Variants in RNF220 observed in about 807,000 individuals in gnomAD.
The protein encoded by RNF220 is E3 ubiquitin-protein ligase RNF220.
A neutral mutation model predicts 67.1 loss-of-function variants in RNF220; 7 were observed. The observed-to-expected ratio is 0.10, with a 90% confidence interval of 0.06 to 0.20. The LOEUF (loss-of-function observed/expected upper bound fraction) is 0.20. Ranked by LOEUF, RNF220 falls within the 10% of genes least tolerant of loss-of-function variation. The probability of loss-of-function intolerance (pLI) is 1.00; values close to 1 mark genes in which losing one functional copy is unlikely to be tolerated. For missense variants in RNF220, 565 were observed against 740.3 expected, an observed-to-expected ratio of 0.76 and a Z score of 2.75; for synonymous variants, 270 against 283.2, an observed-to-expected ratio of 0.95 and a Z score of 0.47.
chr1:44,635,387 A>C, intron 6 of RNF220, 158 bp from the exon 7 acceptor site: 1 of 1,159,774 alleles, frequency 8.6e-7, no homozygotes, highest in South Asian at 1.7e-5. Flanking sequence ...CCAGTCCCCA[A>C]AGGAGCAGGA....
chr1:44,500,860 G>A (rs568976613), intron 2 of RNF220, among the ~76,000 whole-genome samples: 155 of 152,308 alleles, frequency 1.0e-3, no homozygotes, highest in Non-Finnish European at 2.0e-3. Context: ...TTTGGTCTGC[G>A]GCTCCAGGTC....
chr1:44,561,328 G>A (rs766955005), intron 2 of RNF220, among the ~76,000 whole-genome samples: 2 of 152,088 alleles, frequency 1.3e-5, no homozygotes, highest in African/African-American at 4.8e-5. Context: ...TGGCCAACAT[G>A]GTGAAACCCC....
intron 8 of RNF220, among the ~76,000 whole-genome samples, chr1:44,636,729 GC>G (rs769802136): frequency 7.9e-5 from 12 of 152,202 alleles, no homozygotes; most frequent in Non-Finnish European, 1.5e-4. Flanking sequence ...CTCCCTGGGC[GC>G]CCTCTGCCCT....
At chr1:44,582,567 G>A (rs993931006) in intron 2 of RNF220, among the ~76,000 whole-genome samples, 2 of 152,112 alleles carry the variant, frequency 1.3e-5, no homozygotes, top group African/African-American at 2.4e-5. Flanking sequence ...GACCAGCCTG[G>A]CCAATATGGT....
At chr1:44,433,670 T>A (rs1388307049) in intron 2 of RNF220, among the ~76,000 whole-genome samples, 2 of 152,238 alleles carry the variant, frequency 1.3e-5, no homozygotes, top group African/African-American at 4.8e-5. Flanking sequence ...TTTGAACATC[T>A]TTAAAAATAA....
intron 2 of RNF220, among the ~76,000 whole-genome samples, chr1:44,536,451 G>A (rs933786655): frequency 2.0e-5 from 3 of 152,208 alleles, no homozygotes; most frequent in African/African-American, 4.8e-5. Flanking sequence ...TAAACAGTCC[G>A]TGGGATTGAT....
intron 2 of RNF220, among the ~76,000 whole-genome samples, chr1:44,527,268 C>T (rs902199506): frequency 1.3e-5 from 2 of 152,040 alleles, no homozygotes; most frequent in Non-Finnish European, 2.9e-5. Flanking sequence ...CTTAAATGAT[C>T]CATCAGCACC....
At chr1:44,415,288 C>T (rs1292490361) in intron 2 of RNF220, among the ~76,000 whole-genome samples, 1 of 151,654 alleles carries the variant, frequency 6.6e-6, no homozygotes, top group East Asian at 1.9e-4. Flanking sequence ...CAGGTCCTCC[C>T]TACAGAACCG....
Position 44,645,076 on chromosome 1 carries a change from C to G in RNF220, c.1305C>G (p.Val435=). ...AKEREALRGA[V]LNGGPPSTRI... ...AGAGAGAGGCACTTCGGGGCGCAGT[C>G]CTAAAGCAAGTGTGGGCACAGGCTT... is the stretch of plus-strand genomic sequence containing the variant. The change falls in exon 10 of 15, where the codon GTC becomes GTG. Residue 435 remains valine (V), a synonymous_variant. Transcript: ENST00000361799. The surrounding 1 kb of genome is among the most constrained non-coding windows in gnomAD (Gnocchi z 5.0). 4 of 1,614,090 alleles carry G rather than the reference C, an allele frequency of 2.5e-6. No homozygotes were observed. Among genetic ancestry groups the G allele is most frequent in the Non-Finnish European group, 3.4e-6 (4 of 1,179,998 alleles).
intron 2 of RNF220, among the ~76,000 whole-genome samples, chr1:44,534,712 G>A (rs114240419): frequency 1.2e-4 from 18 of 152,126 alleles, no homozygotes; most frequent in Non-Finnish European, 2.4e-4. Context: ...CATAATAGCC[G>A]AATTATGAAA....
chr1:44,516,709 T>C (rs984693757), intron 2 of RNF220, among the ~76,000 whole-genome samples: 1 of 152,056 alleles, frequency 6.6e-6, no homozygotes, highest in Non-Finnish European at 1.5e-5. Flanking sequence ...TGCCATGTGG[T>C]TTTACATGAT....
chr1:44,580,992 G>A (rs1342735776), intron 2 of RNF220, among the ~76,000 whole-genome samples: 1 of 152,234 alleles, frequency 6.6e-6, no homozygotes, highest in East Asian at 1.9e-4. Flanking sequence ...CATGCCCAGA[G>A]CCAGAGTCTG....
At chr1:44,607,867 C>T (rs1336834781) in intron 2 of RNF220, among the ~76,000 whole-genome samples, 5 of 151,968 alleles carry the variant, frequency 3.3e-5, no homozygotes, top group Non-Finnish European at 5.9e-5. Context: ...TCAGCCTTCG[C>T]TGAATGTCAC....
At chr1:44,422,965 A>G (rs1219180610) in intron 2 of RNF220, among the ~76,000 whole-genome samples, 2 of 152,214 alleles carry the variant, frequency 1.3e-5, no homozygotes, top group African/African-American at 2.4e-5. Flanking sequence ...AGCTGTATTT[A>G]CTGCATACCT....
intron 2 of RNF220, among the ~76,000 whole-genome samples, chr1:44,489,997 T>C (rs1656704306): frequency 6.6e-6 from 1 of 152,226 alleles, no homozygotes; most frequent in African/African-American, 2.4e-5. Context: ...AAATGTACTT[T>C]GTTAGAACTA....
intron 5 of RNF220, among the ~76,000 whole-genome samples, chr1:44,627,789 C>T (rs1290836928): frequency 6.6e-6 from 1 of 152,218 alleles, no homozygotes; most frequent in Non-Finnish European, 1.5e-5. Context: ...GGTAGAGAAC[C>T]AGGGGCCCTG....
At chr1:44,534,055 A>G (rs1312397695) in intron 2 of RNF220, among the ~76,000 whole-genome samples, 1 of 152,150 alleles carries the variant, frequency 6.6e-6, no homozygotes, top group East Asian at 1.9e-4. Context: ...AACTTACTAT[A>G]CCTTGGCCTC....
chr1:44,522,702 A>T (rs1660037627), intron 2 of RNF220, among the ~76,000 whole-genome samples: 1 of 152,172 alleles, frequency 6.6e-6, no homozygotes, highest in South Asian at 2.1e-4. Flanking sequence ...CCCAAAAGGA[A>T]TGCAATGCCC....
In RNF220 at chr1:44,608,578, G is replaced by GT. The variant is rs550755572; in HGVS notation, c.626-5586dup. Among the ~76,000 whole-genome samples, 426 of 152,320 alleles carry GT rather than the reference G, an allele frequency of 2.8e-3. 3 individuals carry two copies. Among genetic ancestry groups the GT allele is most frequent in the African/African-American group, 9.8e-3 (406 of 41,562 alleles). The stretch of plus-strand genomic sequence containing the variant: ...GTAACACCTACCTCACAGAACTGCT[G>GT]TAAGGATTAATGAGATAAAGTATGT... On this transcript the variant is annotated intron_variant, in intron 2 of 14. Coordinates refer to ENST00000361799, the MANE Select transcript of RNF220 (RefSeq NM_018150.4).
Sources: allele counts gnomAD v4.1 joint callset (sites outside exome capture counted in the v4.1 genomes callset), GRCh38; gene constraint gnomAD v4.1.1; non-coding constraint Gnocchi (gnomAD v3.1); transcripts MANE v1.5; gene names NCBI Gene and HGNC (gene_info 2026-07-23, HGNC 2026-07-21).